FGGY: variants seen among roughly 807,000 people sequenced by gnomAD.
FGGY encodes FGGY carbohydrate kinase domain containing.
A neutral mutation model predicts 71.3 loss-of-function variants in FGGY; 72 were observed. The ratio of observed to expected loss-of-function variants is 1.01; its 90% CI spans 0.84 to 1.23. FGGY has a LOEUF of 1.23. Among genes scored for constraint, FGGY ranks in the 50% most tolerant of loss-of-function variants. The pLI is 0.00. For synonymous variants in FGGY, 251 were observed against 250.3 expected, an observed-to-expected ratio of 1.00 and a Z score of -0.02; for missense variants, 668 against 682.3, an observed-to-expected ratio of 0.98 and a Z score of 0.23.
chr1:59,611,270 G>T (rs1334137005), intron 9 of FGGY, among the ~76,000 whole-genome samples: 3 of 152,094 alleles, frequency 2.0e-5, no homozygotes, highest in East Asian at 3.9e-4. Context: ...TCCCAGTAGG[G>T]GCCGACTGAC....
intron 3 of FGGY, among the ~76,000 whole-genome samples, chr1:59,343,004 A>G (rs2051020274): frequency 6.6e-6 from 1 of 152,138 alleles, no homozygotes. Context: ...TACCCCTGCC[A>G]CTGACCAAAC....
At chr1:59,347,227 C>G (rs2052208579) in intron 4 of FGGY, among the ~76,000 whole-genome samples, 1 of 149,710 alleles carries the variant, frequency 6.7e-6, no homozygotes, top group Non-Finnish European at 1.5e-5. Flanking sequence ...GGTATATCTT[C>G]TAATGCTATC....
chr1:59,403,150 A>C (rs1421967201), intron 5 of FGGY, among the ~76,000 whole-genome samples: 1 of 152,202 alleles, frequency 6.6e-6, no homozygotes, highest in African/African-American at 2.4e-5. Flanking sequence ...ATGAGTTACC[A>C]GTGTGCTGGA....
intron 14 of FGGY, among the ~76,000 whole-genome samples, chr1:59,676,033 G>A (rs369568934): frequency 8.5e-4 from 130 of 152,088 alleles, no homozygotes; most frequent in African/African-American, 3.0e-3. Context: ...CCAAAAGAGG[G>A]CTCCCACGAG....
At chr1:59,515,781 C>T (rs2094630589) in intron 7 of FGGY, among the ~76,000 whole-genome samples, 1 of 152,202 alleles carries the variant, frequency 6.6e-6, no homozygotes, top group Admixed American at 6.5e-5. Flanking sequence ...TGAGACCTCC[C>T]AGCCGTGTGG....
chr1:59,668,437 C>G (rs1327772253), intron 13 of FGGY, among the ~76,000 whole-genome samples: 1 of 152,254 alleles, frequency 6.6e-6, no homozygotes, highest in Non-Finnish European at 1.5e-5. Flanking sequence ...CTTGACCCTA[C>G]CTCCATTTAT....
In FGGY at chr1:59,550,445, C is replaced by T. The variant is rs2095591318; in HGVS notation, c.800-3679C>T. 1.3e-5 allele frequency among the ~76,000 whole-genome samples: 2 copies of T among 152,122 alleles called. 1 individual carries two copies. The highest frequency in any genetic ancestry group is 4.1e-4 in the South Asian group (2 of 4,832). ...GGTCTTGCAGTGAACATCAGCTATG[C>T]ATGGCTGCTGAATTGGGGTGGACAT... On this transcript the variant is annotated intron_variant, in intron 7 of 15. Transcript: ENST00000303721.
intron 13 of FGGY, among the ~76,000 whole-genome samples, chr1:59,671,811 G>T (rs2097380327): frequency 6.6e-6 from 1 of 152,142 alleles, no homozygotes; most frequent in East Asian, 1.9e-4. Flanking sequence ...TAGGTATCTT[G>T]CCTAGGATCA....
chr1:59,579,744 T>C (rs1016103421), intron 8 of FGGY, among the ~76,000 whole-genome samples: 4 of 152,212 alleles, frequency 2.6e-5, no homozygotes, highest in South Asian at 2.1e-4. Context: ...CACTGGGCCC[T>C]GGATTCTGTT....
rs555704468 is a variant in FGGY, at chr1:59,446,153, G to A, written c.555-10808G>A. ...TCTCATATTGCCTCTAATTAGTACC[G>A]TCCTTATTTTTTAGGGGACAGATCC... On this transcript the variant is annotated intron_variant, in intron 5 of 15. Coordinates refer to ENST00000303721, the MANE Select transcript of FGGY (RefSeq NM_018291.5). 2.6e-4 allele frequency among the ~76,000 whole-genome samples: 39 copies of A among 152,126 alleles called. No homozygotes were observed. In the East Asian group the frequency reaches 3.3e-3, roughly 13 times the overall value.
intron 12 of FGGY, among the ~76,000 whole-genome samples, chr1:59,666,869 A>G (rs1436328495): frequency 6.6e-6 from 1 of 152,182 alleles, no homozygotes; most frequent in Non-Finnish European, 1.5e-5. Flanking sequence ...CATTTAGTAA[A>G]GGAAGACTGA....
chr1:59,676,616 A>T (rs2097438283), intron 14 of FGGY, among the ~76,000 whole-genome samples: 2 of 152,106 alleles, frequency 1.3e-5, no homozygotes, highest in African/African-American at 2.4e-5. Context: ...CCACACTGAC[A>T]TCTTGACTAC....
intron 14 of FGGY, among the ~76,000 whole-genome samples, chr1:59,687,401 C>T (rs575594056): frequency 3.9e-4 from 60 of 152,116 alleles, no homozygotes; most frequent in Non-Finnish European, 7.1e-4. Flanking sequence ...TGTCTGCTGT[C>T]GGTAACCTCT....
intron 10 of FGGY, among the ~76,000 whole-genome samples, chr1:59,628,714 A>C (rs1287032407): frequency 6.6e-6 from 1 of 152,206 alleles, no homozygotes; most frequent in Non-Finnish European, 1.5e-5. Flanking sequence ...AAGTAAAGTA[A>C]GATATTTTTA....
intron 14 of FGGY, among the ~76,000 whole-genome samples, chr1:59,681,839 A>C (rs1248182769): frequency 6.6e-6 from 1 of 151,898 alleles, no homozygotes; most frequent in African/African-American, 2.4e-5. Context: ...CTACTAGAAA[A>C]AGTTTGAGGT....
intron 6 of FGGY, among the ~76,000 whole-genome samples, chr1:59,480,017 C>T (rs950225511): frequency 2.0e-5 from 3 of 152,182 alleles, no homozygotes; most frequent in Admixed American, 1.3e-4. Context: ...AATTCATGAA[C>T]TCTTTCCACC....
intron 14 of FGGY, among the ~76,000 whole-genome samples, chr1:59,679,376 TAAAG>T (rs1558776683): frequency 6.6e-6 from 1 of 152,122 alleles, no homozygotes; most frequent in African/African-American, 2.4e-5. Context: ...ATTTGCAAAA[TAAAG>T]CTGATTATCA....
Position 59,607,926 on chromosome 1 carries a change from C to G in FGGY, c.1011+16C>G. The G allele has an allele frequency of 6.3e-7, 1 of 1,578,338 alleles. No homozygotes were observed. The highest frequency in any genetic ancestry group is 8.7e-7 in the Non-Finnish European group (1 of 1,147,516). On this transcript the variant is annotated intron_variant, in intron 9 of 15. Coordinates refer to ENST00000303721, the MANE Select transcript of FGGY (RefSeq NM_018291.5). ...TGGAAAATTGGTAAGTTGACACTTT[C>G]TCAATAGGGTCATGGATGTTTTTAT...
chr1:59,624,864 C>T (rs1289744673), intron 9 of FGGY, among the ~76,000 whole-genome samples: 2 of 152,160 alleles, frequency 1.3e-5, no homozygotes, highest in Non-Finnish European at 2.9e-5. Context: ...GGTGGGGACA[C>T]AGACAAACCA....
Sources: allele counts gnomAD v4.1 joint callset (sites outside exome capture counted in the v4.1 genomes callset), GRCh38; gene constraint gnomAD v4.1.1; transcripts MANE v1.5; gene names NCBI Gene and HGNC (gene_info 2026-07-23, HGNC 2026-07-21).